Variants in ATAD2B observed in about 807,000 individuals in gnomAD.
ATAD2B encodes the protein ATPase family AAA domain containing 2B.
A neutral mutation model predicts 167.6 loss-of-function variants in ATAD2B; 40 were observed. That is an observed-to-expected ratio of 0.24 (90% CI 0.19 to 0.31). The LOEUF is 0.31. ATAD2B is among the 10% of genes least tolerant of loss of function. The pLI, the probability that ATAD2B is intolerant of heterozygous loss-of-function variation, is 1.00. For missense variants in ATAD2B, 1,242 were observed against 1,757.2 expected, an observed-to-expected ratio of 0.71 and a Z score of 5.24; for synonymous variants, 579 against 596.5, an observed-to-expected ratio of 0.97 and a Z score of 0.43.
chr2:23,859,960 A>G (rs1026441508), intron 12 of ATAD2B, among the ~76,000 whole-genome samples: 2 of 152,086 alleles, frequency 1.3e-5, no homozygotes, highest in African/African-American at 4.8e-5. Flanking sequence ...AAAAAAAAAA[A>G]AAGAAATTTA....
At chr2:23,820,454 C>CA (rs1293202202) in intron 16 of ATAD2B, among the ~76,000 whole-genome samples, 3 of 151,952 alleles carry the variant, frequency 2.0e-5, no homozygotes, top group Non-Finnish European at 4.4e-5. Context: ...ACTCAGGGAA[C>CA]TAACTGGAAC....
chr2:23,805,795 T>TA (rs3030816), intron 18 of ATAD2B, among the ~76,000 whole-genome samples: 3,129 of 100,970 alleles, frequency 0.031, 151 homozygotes, highest in African/African-American at 0.1. Flanking sequence ...TATCAAGCTT[T>TA]AAAAAAAAAA....
chr2:23,841,764 C>G (rs1690952318), intron 13 of ATAD2B, among the ~76,000 whole-genome samples: 1 of 152,182 alleles, frequency 6.6e-6, no homozygotes, highest in Non-Finnish European at 1.5e-5. Flanking sequence ...AATTCTCCCA[C>G]CTTGGCCTCC....
chr2:23,906,844 T>C (rs1193619526), intron 1 of ATAD2B, among the ~76,000 whole-genome samples: 2 of 151,876 alleles, frequency 1.3e-5, no homozygotes, highest in East Asian at 3.9e-4. Flanking sequence ...ATCCAGCATA[T>C]AAACAGAACC....
intron 18 of ATAD2B, among the ~76,000 whole-genome samples, chr2:23,806,805 T>C (rs1684467936): frequency 6.6e-6 from 1 of 152,136 alleles, no homozygotes; most frequent in African/African-American, 2.4e-5. Flanking sequence ...CATGGTGTCA[T>C]CTCCATTTCA....
chr2:23,699,165 C>A, the ATAD2B span, among the ~76,000 whole-genome samples: 1 of 152,224 alleles, frequency 6.6e-6, no homozygotes, highest in Non-Finnish European at 1.5e-5. Flanking sequence ...CGCTCAGAGG[C>A]AGAGGCACGG....
chr2:23,784,324 C>A (rs1431643786), intron 21 of ATAD2B, among the ~76,000 whole-genome samples: 1 of 152,060 alleles, frequency 6.6e-6, no homozygotes, highest in Admixed American at 6.5e-5. Flanking sequence ...ATTTTAAATT[C>A]ATTAGTTAAA....
chr2:23,837,229 AC>A (rs1392297812), intron 13 of ATAD2B, among the ~76,000 whole-genome samples: 1 of 152,082 alleles, frequency 6.6e-6, no homozygotes, highest in Non-Finnish European at 1.5e-5. Flanking sequence ...CTGCAACAAC[AC>A]CCAGGCTTGG....
At chr2:23,795,325 A>C (rs1295083388) in intron 19 of ATAD2B, among the ~76,000 whole-genome samples, 1 of 152,006 alleles carries the variant, frequency 6.6e-6, no homozygotes, top group East Asian at 1.9e-4. Flanking sequence ...CATGACATTA[A>C]ATTTTCTCTT....
rs200259678 is a variant in ATAD2B at position 23,754,682 on chromosome 2, C to T, written c.4171G>A (p.Val1391Met). The change falls in exon 26 of 28, where the codon GTG becomes ATG. Residue 1391 changes from valine (V) to methionine (M), a missense_variant. Val to Met is a conservative substitution (Grantham distance 21). Transcript: ENST00000238789. ...ELVPEEPSEP[V>M]PPLIVDRERL... The stretch of plus-strand genomic sequence containing the variant: ...TCACGATCAACTATAAGAGGAGGCA[C>T]AGGCTCAGATGGCTCTTCTGGAACC... The T allele has an allele frequency of 1.9e-6, 3 of 1,613,068 alleles. No homozygotes were observed. Among genetic ancestry groups the T allele is most frequent in the African/African-American group, 2.7e-5 (2 of 74,982 alleles).
chr2:23,761,364 C>T (rs1181270525), intron 24 of ATAD2B, among the ~76,000 whole-genome samples: 1 of 152,226 alleles, frequency 6.6e-6, no homozygotes, highest in Non-Finnish European at 1.5e-5. Flanking sequence ...TATCCAAAAT[C>T]CAACACTTTT....
In ATAD2B at chr2:23,926,762, G is replaced by T. The variant is rs1012477055; in HGVS notation, c.9C>A (p.Asn3Lys). Reference protein sequence around the residue: MVNTRKSSLRLLG... With the variant: MVKTRKSSLRLLG... ...GAAGGCGGAGAGAGCTCTTCCGGGT[G>T]TTCACCATGGTCCAGCCAGGGGGAC... Residue 3 changes from asparagine (N) to lysine (K), a missense_variant, in exon 1 of 28, where the codon AAC becomes AAA. Asn to Lys is a moderately conservative substitution (Grantham distance 94, BLOSUM62 0). Around this residue, in one of 9 missense-constraint regions of ATAD2B, gnomAD observed 199 missense variants for 194.9 expected, o/e 1.02. Transcript: ENST00000238789. The T allele has an allele frequency of 3.9e-6, 6 of 1,541,916 alleles. No homozygotes were observed. The highest frequency in any genetic ancestry group is 1.4e-5 in the African/African-American group (1 of 72,302).
chr2:23,824,513 AT>A (rs1433771263), intron 15 of ATAD2B, among the ~76,000 whole-genome samples: 2 of 152,244 alleles, frequency 1.3e-5, no homozygotes, highest in African/African-American at 4.8e-5. Context: ...CATAATTATC[AT>A]TTAAAATTGT....
At chr2:23,765,143 G>A (rs998483107) in intron 23 of ATAD2B, among the ~76,000 whole-genome samples, 11 of 152,252 alleles carry the variant, frequency 7.2e-5, no homozygotes, top group South Asian at 2.1e-4. Flanking sequence ...GGGAAAAACA[G>A]TATACCTAAA....
intron 1 of ATAD2B, among the ~76,000 whole-genome samples, chr2:23,907,567 C>A (rs1022219478): frequency 3.9e-5 from 6 of 152,252 alleles, no homozygotes; most frequent in African/African-American, 1.4e-4. Flanking sequence ...AGATTCAATG[C>A]CATCCCTATC....
the ATAD2B span, chr2:23,697,893 C>CATT: frequency 3.3e-5 from 5 of 152,238 alleles, no homozygotes; most frequent in Non-Finnish European, 7.3e-5. Flanking sequence ...TAAACAAACA[C>CATT]ATGAAAAATG....
intron 8 of ATAD2B, 68 bp downstream of exon 8, chr2:23,875,761 A>C: frequency 9.6e-7 from 1 of 1,040,706 alleles, no homozygotes; most frequent in South Asian, 1.4e-5. Context: ...TCACTAATTA[A>C]AGAAAGAAAG....
chr2:23,907,793 A>C (rs1313275962), intron 1 of ATAD2B, among the ~76,000 whole-genome samples: 3 of 152,190 alleles, frequency 2.0e-5, no homozygotes, highest in African/African-American at 7.2e-5. Flanking sequence ...AAACAGAGAT[A>C]TAGAACAATG....
chr2:23,788,751 A>G lies in ATAD2B; in HGVS notation c.2641-104T>C, dbSNP rs956386166. On this transcript the variant is annotated intron_variant, in intron 19 of 27. Transcript: ENST00000238789. ...TTCATCTTCCAGTATCATGTTCAAT[A>G]TTCATAGACCATTCACATGGGGTTA... 10 of 983,662 alleles carry G rather than the reference A, an allele frequency of 1.0e-5. No individual in the cohort carries two copies. The African/African-American group carries it at 1.6e-4, about 16-fold the overall frequency. 60.9% of individuals were successfully genotyped at this position (983,662 alleles called of 1,614,324 possible). A position where few individuals can be genotyped will look rare whatever the true frequency, so the allele number is the denominator to read the frequency against.
Sources: gnomAD v4.1 joint callset for allele counts (sites outside exome capture counted in the v4.1 genomes callset) on GRCh38, gnomAD v4.1.1 for gene constraint, gnomAD v4.1.1 regional missense constraint, MANE v1.5 for transcripts, NCBI Gene and HGNC (gene_info 2026-07-23, HGNC 2026-07-21) for gene names.